The following PATL1 variants were observed in gnomAD, a reference collection of about 807,000 sequenced individuals.
PATL1 encodes the protein protein PAT1 homolog 1.
In PATL1, 32 loss-of-function variants were observed where a neutral mutation model predicts 100.6. The observed-to-expected ratio is 0.32, with a 90% CI of 0.24 to 0.43. PATL1 has a LOEUF of 0.43. Among genes scored for constraint, PATL1 ranks in the 20% least tolerant of loss-of-function variants. The pLI is 1.00. For missense variants in PATL1, 747 were observed against 949.9 expected, an observed-to-expected ratio of 0.79 and a Z score of 2.81; for synonymous variants, 332 against 330.0, an observed-to-expected ratio of 1.01 and a Z score of -0.07.
At chr11:59,649,723 C>CT in intron 13 of PATL1, 113 bp from the exon 14 acceptor site, 2 of 1,125,324 alleles carry the variant, frequency 1.8e-6, no homozygotes, top group Non-Finnish European at 2.4e-6. Flanking sequence ...TATAGAAAGA[C>CT]TGAGATTTTT....
intron 16 of PATL1, among the ~76,000 whole-genome samples, chr11:59,641,846 C>T (rs1293518322): frequency 6.6e-6 from 1 of 152,158 alleles, no homozygotes; most frequent in African/African-American, 2.4e-5. Flanking sequence ...CAGAAAGGCA[C>T]ATTCCGGATC....
intron 15 of PATL1, among the ~76,000 whole-genome samples, chr11:59,644,411 ATC>A (rs1315012287): frequency 6.6e-6 from 1 of 152,162 alleles, no homozygotes. Context: ...CTTTAAAAAT[ATC>A]TTTTAGCAGC....
At chr11:59,641,984 T>C (rs193136071) in intron 16 of PATL1, among the ~76,000 whole-genome samples, 1 of 152,270 alleles carries the variant, frequency 6.6e-6, no homozygotes, top group African/African-American at 2.4e-5. Flanking sequence ...ATCTCTACTG[T>C]ACATAGAATG....
chr11:59,655,715 C>G lies in PATL1; in HGVS notation c.839G>C (p.Ser280Thr). The G allele has an allele frequency of 6.3e-7, 1 of 1,599,160 alleles. No individual in the cohort carries two copies. The highest frequency in any genetic ancestry group is 2.3e-5 in the East Asian group (1 of 44,286). ...AAATCCAGGGACCCGTGCAAACTGG[C>G]TGGGAGACATCCGTCCAGGCTGTAG... The part of the protein sequence containing the change: ...AQLQPGRMSP[S>T]QFARVPGFVG... Residue 280 changes from serine (S) to threonine (T), a missense_variant, in exon 8 of 19, where the codon AGC becomes ACC. Physicochemically the swap from Ser to Thr is moderately conservative, Grantham distance 58. Around this residue, in one of 4 missense-constraint regions of PATL1, gnomAD observed 127 missense variants for 116.0 expected, o/e 1.09. Coordinates refer to ENST00000300146, the MANE Select transcript of PATL1 (RefSeq NM_152716.3).
chr11:59,652,571 A>T lies in PATL1; in HGVS notation c.1319T>A (p.Leu440Gln). The change falls in exon 11 of 19, where the codon CTG becomes CAG. Residue 440 changes from leucine to glutamine, a missense_variant. Transcript: ENST00000300146. ...TTCTTCAGCAGCTGACAGTTTCTCCAGTTTTTCAAAGTAATTCTACCACGA... is the reference window on the plus strand; with the variant it reads ...TTCTTCAGCAGCTGACAGTTTCTCCTGTTTTTCAAAGTAATTCTACCACGA... ...DFYYQNYFEK[L>Q]EKLSAAEEIQ... The T allele has an allele frequency of 6.2e-7, 1 of 1,613,690 alleles. No homozygotes were observed. Among genetic ancestry groups the T allele is most frequent in the Non-Finnish European group, 8.5e-7 (1 of 1,179,820 alleles).
chr11:59,643,748 A>G (rs1039334860), intron 15 of PATL1, among the ~76,000 whole-genome samples: 3 of 152,130 alleles, frequency 2.0e-5, no homozygotes, highest in African/African-American at 7.2e-5. Context: ...ATAAAAGCTC[A>G]ATGAGGAAGA....
chr11:59,649,728 AT>A (rs111578876), intron 13 of PATL1, 118 bp from the exon 14 acceptor site: 167,026 of 819,798 alleles, frequency 0.2, 4,965 homozygotes, highest in African/African-American at 0.43. Flanking sequence ...AAAGACTGAG[AT>A]TTTTTTTTTT....
At chr11:59,665,308 G>T (rs1236839666) in intron 2 of PATL1, among the ~76,000 whole-genome samples, 6 of 152,142 alleles carry the variant, frequency 3.9e-5, no homozygotes, top group Admixed American at 3.9e-4. Context: ...AACATCTTGG[G>T]ATTACTGACT....
chr11:59,666,719 A>C (rs539004166), intron 2 of PATL1, 134 bp downstream of exon 2: 25 of 955,868 alleles, frequency 2.6e-5, no homozygotes, highest in Non-Finnish European at 3.7e-5. Flanking sequence ...AACTATTCTA[A>C]GATGAGGAAT....
chr11:59,661,591 G>T (rs890027575), intron 2 of PATL1, among the ~76,000 whole-genome samples: 3 of 151,996 alleles, frequency 2.0e-5, no homozygotes, highest in Non-Finnish European at 4.4e-5. Context: ...AACAGACAGG[G>T]ATAACAGGTT....
At chr11:59,668,852 AG>A (rs1412021621) in intron 1 of PATL1, 28 bp downstream of exon 1, 3 of 929,020 alleles carry the variant, frequency 3.2e-6, no homozygotes, top group Middle Eastern at 3.3e-4. Context: ...GGAGGGAGGG[AG>A]GGGTCACTTC....
Position 59,649,357 on chromosome 11 carries a change from C to A in PATL1, c.1733+105G>T, listed in dbSNP as rs1353202283. On this transcript the variant is annotated intron_variant, in intron 14 of 18. Coordinates refer to ENST00000300146, the MANE Select transcript of PATL1 (RefSeq NM_152716.3). ...GCTAAAAGGATAGATTCTGAGCTTA[C>A]AGAGATGGTAGGGAAGTGTACCTAA... is the stretch of plus-strand genomic sequence containing the variant. The A allele has an allele frequency of 5.3e-6, 6 of 1,139,604 alleles. No individual in the cohort carries two copies. In the East Asian group the frequency reaches 1.2e-4, roughly 23 times the overall value. 70.6% of individuals were successfully genotyped at this position (1,139,604 alleles called of 1,614,324 possible).
intron 1 of PATL1, 66 bp downstream of exon 1, chr11:59,668,815 G>A: frequency 4.5e-6 from 4 of 897,442 alleles, no homozygotes; most frequent in Admixed American, 2.3e-5. Context: ...ACCGGCGCGC[G>A]GAGAGAGAGT....
chr11:59,655,643 C>T lies in PATL1; in HGVS notation c.911G>A (p.Arg304Gln), dbSNP rs754089353. Residue 304 changes from arginine to glutamine, a missense_variant, in exon 8 of 19, where the codon CGA becomes CAA. Around this residue, in one of 4 missense-constraint regions of PATL1, gnomAD observed 434 missense variants for 596.1 expected, o/e 0.73. Transcript: ENST00000300146. ...AAMNPKLLQG[R>Q]VGQMLPPAPG... ...TGCTGGGGGAAGCATCTGCCCAACT[C>T]GCCCTTGTAGCAACTTGGGATTCAT... 2.6e-5 allele frequency: 42 copies of T among 1,601,132 alleles called. 1 individual carries two copies. The highest frequency in any genetic ancestry group is 1.8e-4 in the East Asian group (8 of 44,468).
rs1368991575 is a variant in PATL1, at chr11:59,646,857, A to AT, written c.1893+896dup. On this transcript the variant is annotated intron_variant, in intron 15 of 18. Coordinates refer to ENST00000300146, the MANE Select transcript of PATL1 (RefSeq NM_152716.3). ...AAGGAGAGAAAAACTCTAACCAAGA[A>AT]TTAACTTGTACATGTGATAACCATG... Among the ~76,000 whole-genome samples the AT allele has an allele frequency of 2.6e-5, 4 of 152,324 alleles. No homozygotes were observed. The East Asian group carries it at 7.7e-4, about 29-fold the overall frequency.
At chr11:59,662,179 G>C (rs1258018317) in intron 2 of PATL1, among the ~76,000 whole-genome samples, 1 of 152,178 alleles carries the variant, frequency 6.6e-6, no homozygotes, top group Non-Finnish European at 1.5e-5. Flanking sequence ...GCCTAGTTTG[G>C]TTGATTTATG....
At chr11:59,650,865 T>C in intron 12 of PATL1, 52 bp from the exon 13 acceptor site, 1 of 1,262,004 alleles carries the variant, frequency 7.9e-7, no homozygotes, top group Non-Finnish European at 1.1e-6. Context: ...GTTAAAATAA[T>C]TTACCAAGTG....
chr11:59,646,278 AT>A (rs35277057), intron 15 of PATL1, among the ~76,000 whole-genome samples: 16,358 of 133,704 alleles, frequency 0.12, 1,858 homozygotes, highest in African/African-American at 0.34. Flanking sequence ...CATTTGTGGA[AT>A]TTTTTTTTTT....
At chr11:59,668,777 C>T in intron 1 of PATL1, 104 bp downstream of exon 1, 2 of 620,408 alleles carry the variant, frequency 3.2e-6, no homozygotes, top group Non-Finnish European at 2.8e-6. Context: ...ACTCCCCCAG[C>T]CCGCCCCCTG....
Sources: gnomAD v4.1 joint callset for allele counts (sites outside exome capture counted in the v4.1 genomes callset) on GRCh38, gnomAD v4.1.1 for gene constraint, gnomAD v4.1.1 regional missense constraint, MANE v1.5 for transcripts, NCBI Gene and HGNC (gene_info 2026-07-23, HGNC 2026-07-21) for gene names.